TUB: variants seen among roughly 807,000 people sequenced by gnomAD.
TUB encodes the protein TUB bipartite transcription factor.
Under a neutral mutation model 59.7 loss-of-function variants are expected in TUB, and 33 were observed. The ratio of observed to expected loss-of-function variants is 0.55; its 90% CI spans 0.42 to 0.74. The LOEUF (loss-of-function observed/expected upper bound fraction) is 0.74, where lower values mean the gene tolerates loss of function less well. Among genes scored for constraint, TUB ranks in the 30% least tolerant of loss-of-function variants. TUB has a pLI of 0.00. For missense variants in TUB, 659 were observed against 672.0 expected (o/e 0.98, Z 0.21); for synonymous variants, 293 against 256.4 (o/e 1.14, Z -1.36).
rs371175073 is a variant in TUB at position 8,092,625 on chromosome 11, C to T, written c.254-1421C>T. Among the ~76,000 whole-genome samples, 21 of 152,262 alleles carry T rather than the reference C, an allele frequency of 1.4e-4. No homozygotes were observed. The South Asian group carries it at 3.7e-3, about 27-fold the overall frequency. On this transcript the variant is annotated intron_variant, in intron 3 of 11. Transcript: ENST00000299506. ...CATTCCAGAGTGGGCTGGGCCTCCACGACCTTTTTCACAGAGGACATTTGA... is the reference window on the plus strand; with the variant it reads ...CATTCCAGAGTGGGCTGGGCCTCCATGACCTTTTTCACAGAGGACATTTGA...
intron 2 of TUB, among the ~76,000 whole-genome samples, chr11:8,059,269 T>TGGTCACTGCCTGTATGGA (rs1564905889): frequency 6.6e-6 from 1 of 152,088 alleles, no homozygotes. Context: ...GAAGAAGACG[T>TGGTCACTGCCTGTATGGA]GGTCACTGCC....
chr11:8,038,660 G>GT, exon 1 of TUB: 1 of 1,364,892 alleles, frequency 7.3e-7, no homozygotes, highest in South Asian at 1.7e-5. Context: ...GTCCTGAAGG[G>GT]TTTGGGGGGA....
intron 3 of TUB, 71 bp downstream of exon 3, chr11:8,090,302 A>C (rs1010824032): frequency 1.3e-6 from 2 of 1,571,656 alleles, no homozygotes; most frequent in Non-Finnish European, 8.6e-7. Flanking sequence ...CCACCTAGGC[A>C]GGTGCGGACT....
chr11:8,034,251 A>G (rs1942616424), upstream of TUB, among the ~76,000 whole-genome samples: 1 of 152,340 alleles, frequency 6.6e-6, no homozygotes, highest in Non-Finnish European at 1.5e-5. Flanking sequence ...GATGATGTCA[A>G]CAAGGGACTT....
chr11:8,020,045 T>TG (rs1439384796), intron 1 of TUB, among the ~76,000 whole-genome samples: 1 of 152,190 alleles, frequency 6.6e-6, no homozygotes, highest in African/African-American at 2.4e-5. Flanking sequence ...CCAGGCGAAA[T>TG]GAAAAAAATA....
intron 2 of TUB, among the ~76,000 whole-genome samples, chr11:8,067,089 G>A (rs1943258098): frequency 6.6e-6 from 1 of 152,156 alleles, no homozygotes; most frequent in South Asian, 2.1e-4. Context: ...TCCACCGTCT[G>A]GCCTCACCAA....
At chr11:8,067,159 C>T (rs1007324066) in intron 2 of TUB, among the ~76,000 whole-genome samples, 6 of 152,202 alleles carry the variant, frequency 3.9e-5, no homozygotes, top group African/African-American at 1.4e-4. Flanking sequence ...CCAGCTTCTC[C>T]AGCTCATTCT....
chr11:8,053,476 TTTTA>T (rs1942964942), intron 2 of TUB, among the ~76,000 whole-genome samples: 1 of 151,998 alleles, frequency 6.6e-6, no homozygotes. Flanking sequence ...AATTGTCTGT[TTTTA>T]TTTATTTATC....
upstream of TUB, among the ~76,000 whole-genome samples, chr11:8,037,859 G>T (rs141038603): frequency 5.3e-5 from 8 of 152,314 alleles, no homozygotes; most frequent in East Asian, 1.5e-3. Context: ...TCACTCTGGT[G>T]TCAGTTGCAG....
chr11:8,020,478 G>C (rs937403503), intron 1 of TUB, among the ~76,000 whole-genome samples: 6 of 152,184 alleles, frequency 3.9e-5, no homozygotes, highest in Admixed American at 2.6e-4. Context: ...GTCTCGCCCC[G>C]TATTAATCCC....
At chr11:8,089,571 T>C (rs1943731864) in intron 1 of TUB, 39 bp from the exon 2 acceptor site, 2 of 1,613,892 alleles carry the variant, frequency 1.2e-6, no homozygotes, top group Non-Finnish European at 1.7e-6. Flanking sequence ...TCCTGGCACC[T>C]CACGGGCAAG....
chr11:8,041,751 C>G (rs972206554), intron 2 of TUB, among the ~76,000 whole-genome samples: 1 of 152,186 alleles, frequency 6.6e-6, no homozygotes, highest in East Asian at 1.9e-4. Context: ...CAACTGCCCA[C>G]CATTCACCAC....
intron 2 of TUB, among the ~76,000 whole-genome samples, chr11:8,040,081 T>C (rs1260971506): frequency 6.6e-6 from 1 of 152,100 alleles, no homozygotes; most frequent in Non-Finnish European, 1.5e-5. Context: ...ACAGAGGGAA[T>C]CATGGTGGCA....
intron 8 of TUB, among the ~76,000 whole-genome samples, 178 bp from the exon 9 acceptor site, chr11:8,098,580 G>A (rs1256844920): frequency 6.6e-6 from 1 of 152,194 alleles, no homozygotes; most frequent in Non-Finnish European, 1.5e-5. Flanking sequence ...GCAAGTCCAG[G>A]CCTTCTGCCC....
Position 8,081,498 on chromosome 11 carries a change from G to T in TUB, c.-13G>T. On this transcript the variant is annotated 5_prime_UTR_variant, in exon 1 of 12. Transcript: ENST00000299506. ...CCTCCAGAGCCGCAGCCACCGCCCCGCCCCCGAGAGACATGACTTCCAAGC... is the reference window on the plus strand; with the variant it reads ...CCTCCAGAGCCGCAGCCACCGCCCCTCCCCCGAGAGACATGACTTCCAAGC... 6.6e-7 allele frequency: 1 copy of T among 1,525,626 alleles called. No individual in the cohort carries two copies. The allele number at this position is 1,525,626 out of a possible 1,614,324, so 94.5% of individuals were successfully genotyped here.
chr11:8,052,705 G>C (rs986020406), intron 2 of TUB, among the ~76,000 whole-genome samples: 1 of 152,124 alleles, frequency 6.6e-6, no homozygotes, highest in African/African-American at 2.4e-5. Flanking sequence ...TCGATCTCCT[G>C]ACCTCGTGAT....
intron 2 of TUB, among the ~76,000 whole-genome samples, chr11:8,043,245 G>A (rs536994390): frequency 1.3e-5 from 2 of 152,294 alleles, no homozygotes; most frequent in South Asian, 2.1e-4. Context: ...GACTGTAAAT[G>A]TAAGTTTATT....
At chr11:8,054,996 TA>T (rs1300794318) in intron 2 of TUB, among the ~76,000 whole-genome samples, 1 of 152,174 alleles carries the variant, frequency 6.6e-6, no homozygotes, top group Non-Finnish European at 1.5e-5. Flanking sequence ...CTGTCATGAC[TA>T]ACCCAAGTCT....
intron 1 of TUB, among the ~76,000 whole-genome samples, chr11:8,081,874 G>T (rs71474960): frequency 0.012 from 1,759 of 152,306 alleles, 21 homozygotes; most frequent in Non-Finnish European, 0.018. Context: ...CCAGTCACAC[G>T]CCTGTGCAGG....
Sources: gnomAD v4.1 joint callset for allele counts (sites outside exome capture counted in the v4.1 genomes callset) on GRCh38, gnomAD v4.1.1 for gene constraint, MANE v1.5 for transcripts, NCBI Gene and HGNC (gene_info 2026-07-23, HGNC 2026-07-21) for gene names.